Variants in NMNAT2 observed in about 807,000 individuals in gnomAD.
NMNAT2 encodes nicotinamide/nicotinic acid mononucleotide adenylyltransferase 2.
NMNAT2 carries 11 observed loss-of-function variants against 41.6 expected under a neutral mutation model. The observed-to-expected ratio is 0.26, with a 90% CI of 0.17 to 0.44. The LOEUF (loss-of-function observed/expected upper bound fraction) is 0.44. NMNAT2 is among the 20% of genes least tolerant of loss of function. The probability of loss-of-function intolerance (pLI) is 1.00; values close to 1 mark genes in which losing one functional copy is unlikely to be tolerated. For missense variants in NMNAT2, 288 were observed against 407.7 expected (o/e 0.71, Z 2.53); for synonymous variants, 148 against 151.2 (o/e 0.98, Z 0.16).
intron 1 of NMNAT2, among the ~76,000 whole-genome samples, chr1:183,397,241 G>T (rs1476977787): frequency 1.3e-5 from 2 of 152,172 alleles, no homozygotes; most frequent in African/African-American, 4.8e-5. Flanking sequence ...CAGGGTCGAG[G>T]TTCTGCTGGT....
At chr1:183,357,909 A>G (rs1179970950) in intron 1 of NMNAT2, among the ~76,000 whole-genome samples, 2 of 152,180 alleles carry the variant, frequency 1.3e-5, no homozygotes, top group Non-Finnish European at 2.9e-5. Flanking sequence ...ATATATTCCC[A>G]AAGGAATATA....
At chr1:183,392,818 A>T (rs549286209) in intron 1 of NMNAT2, among the ~76,000 whole-genome samples, 1 of 152,210 alleles carries the variant, frequency 6.6e-6, no homozygotes, top group African/African-American at 2.4e-5. Context: ...AGTCACCTCA[A>T]TGTGATTCCC....
At chr1:183,388,300 AG>A (rs1648321031) in intron 1 of NMNAT2, among the ~76,000 whole-genome samples, 1 of 152,200 alleles carries the variant, frequency 6.6e-6, no homozygotes, top group South Asian at 2.1e-4. Flanking sequence ...GGGGAAAAAA[AG>A]GTGAAACCTT....
Position 183,249,930 on chromosome 1 carries a change from C to G in NMNAT2, c.*2711G>C, listed in dbSNP as rs1660331109. 1 of 152,076 alleles carries G rather than the reference C, an allele frequency of 6.6e-6. No homozygotes were observed. The highest frequency in any genetic ancestry group is 1.5e-5 in the Non-Finnish European group (1 of 68,054). 9.4% of individuals were successfully genotyped at this position (152,076 alleles called of 1,614,324 possible). A position where few individuals can be genotyped will look rare whatever the true frequency, so the allele number is the denominator to read the frequency against. ...TCTTAATTCATCTCACTTTCCCTCCCCACTCCCACATGCTTTCGGACTGCA... is the reference window on the plus strand; with the variant it reads ...TCTTAATTCATCTCACTTTCCCTCCGCACTCCCACATGCTTTCGGACTGCA... On this transcript the variant is annotated 3_prime_UTR_variant, in exon 11 of 11. Transcript: ENST00000287713.
intron 1 of NMNAT2, among the ~76,000 whole-genome samples, chr1:183,298,785 C>A (rs12096687): frequency 0.12 from 18,840 of 152,112 alleles, 1,237 homozygotes; most frequent in African/African-American, 0.15. Flanking sequence ...ACAACAACAA[C>A]AAGAGACATA....
Position 183,286,725 on chromosome 1 carries a change from G to C in NMNAT2, c.385C>G (p.Pro129Ala), listed in dbSNP as rs1452466792. Residue 129 changes from proline (P) to alanine (A), a missense_variant, in exon 5 of 11, where the codon CCA becomes GCA. Around this residue, in one of 3 missense-constraint regions of NMNAT2, gnomAD observed 181 missense variants for 213.7 expected, o/e 0.85. Transcript: ENST00000287713. Reference sequence around the variant, plus strand: ...ATGGGCTGGGGGGTCTCGTTTTGTGGCTGTCCGATCACAGGTGTCATGGAA... The same window carrying C: ...ATGGGCTGGGGGGTCTCGTTTTGTGCCTGTCCGATCACAGGTGTCATGGAA... Reference protein sequence around the residue: ...TPSMTPVIGQPQNETPQPIYQ... With the variant: ...TPSMTPVIGQAQNETPQPIYQ... The C allele has an allele frequency of 2.5e-6, 4 of 1,612,242 alleles. No homozygotes were observed. In the African/African-American group the frequency reaches 5.3e-5, roughly 22 times the overall value.
chr1:183,322,674 T>C (rs1387675252), intron 1 of NMNAT2, among the ~76,000 whole-genome samples: 1 of 152,152 alleles, frequency 6.6e-6, no homozygotes, highest in Non-Finnish European at 1.5e-5. Context: ...CAATAAGCGA[T>C]CTGGAGCCTA....
At chr1:183,384,903 G>A (rs180950022) in intron 1 of NMNAT2, among the ~76,000 whole-genome samples, 58 of 152,176 alleles carry the variant, frequency 3.8e-4, no homozygotes, top group Admixed American at 2.3e-3. Flanking sequence ...TACCAAATAT[G>A]GAATAGGATT....
At chr1:183,313,531 G>GT (rs1662175044) in intron 1 of NMNAT2, among the ~76,000 whole-genome samples, 1 of 150,796 alleles carries the variant, frequency 6.6e-6, no homozygotes, top group South Asian at 2.1e-4. Flanking sequence ...CCAGGCTGGA[G>GT]TGCAGTGGTG....
chr1:183,410,353 A>G (rs1185626677), intron 1 of NMNAT2, among the ~76,000 whole-genome samples: 1 of 151,872 alleles, frequency 6.6e-6, no homozygotes, highest in Non-Finnish European at 1.5e-5. Flanking sequence ...AAATAAATAA[A>G]TAAAATCATG....
At chr1:183,299,196 A>AC (rs754486926) in intron 1 of NMNAT2, among the ~76,000 whole-genome samples, 9 of 151,820 alleles carry the variant, frequency 5.9e-5, no homozygotes, top group Non-Finnish European at 1.0e-4. Context: ...ACCTGGTGAA[A>AC]CCCCGTCTAT....
At chr1:183,353,867 G>A (rs897600391) in intron 1 of NMNAT2, among the ~76,000 whole-genome samples, 6 of 151,878 alleles carry the variant, frequency 4.0e-5, no homozygotes, top group Non-Finnish European at 8.8e-5. Flanking sequence ...TTGCTTGAGT[G>A]AGAGGCCCCA....
intron 1 of NMNAT2, among the ~76,000 whole-genome samples, chr1:183,404,312 A>G (rs1043344160): frequency 6.6e-6 from 1 of 151,388 alleles, no homozygotes; most frequent in African/African-American, 2.4e-5. Context: ...CTGGCCTTGA[A>G]CTCCTGACCT....
intron 1 of NMNAT2, among the ~76,000 whole-genome samples, chr1:183,401,887 G>C (rs1020057911): frequency 6.7e-6 from 1 of 149,910 alleles, no homozygotes; most frequent in African/African-American, 2.5e-5. Context: ...GACACAGGAT[G>C]GGGAACATCA....
At chr1:183,263,130 A>G (rs1660706023) in intron 8 of NMNAT2, among the ~76,000 whole-genome samples, 1 of 152,136 alleles carries the variant, frequency 6.6e-6, no homozygotes, top group Non-Finnish European at 1.5e-5. Context: ...CTGGACCTAA[A>G]CTTGCAGCTG....
Position 183,252,597 on chromosome 1 carries a change from A to T in NMNAT2, c.*44T>A. 1.5e-6 allele frequency: 2 copies of T among 1,317,988 alleles called. No individual in the cohort carries two copies. The highest frequency in any genetic ancestry group is 2.2e-6 in the Non-Finnish European group (2 of 909,356). The allele number at this position is 1,317,988 out of a possible 1,614,324, so 81.6% of individuals were successfully genotyped here. On this transcript the variant is annotated 3_prime_UTR_variant, in exon 11 of 11. Transcript: ENST00000287713. ...GAGGCAGGAGAGAAACAGGGGGCTG[A>T]CAAAGATGGAGGGGCCATTGTGTTG...
At chr1:183,407,167 C>T (rs1415027795) in intron 1 of NMNAT2, among the ~76,000 whole-genome samples, 1 of 152,178 alleles carries the variant, frequency 6.6e-6, no homozygotes, top group Non-Finnish European at 1.5e-5. Flanking sequence ...ATAATTCCTA[C>T]ATGTCCCATG....
chr1:183,399,148 A>T (rs1443213794), intron 1 of NMNAT2, among the ~76,000 whole-genome samples: 1 of 152,174 alleles, frequency 6.6e-6, no homozygotes, highest in African/African-American at 2.4e-5. Flanking sequence ...AGATCAACAA[A>T]ATTGATAGAC....
At chr1:183,292,577 A>T (rs887795477) in intron 3 of NMNAT2, among the ~76,000 whole-genome samples, 8 of 152,252 alleles carry the variant, frequency 5.3e-5, no homozygotes, top group African/African-American at 1.9e-4. Context: ...ATTCAAGCAC[A>T]TTCTTTACAT....
Sources: gnomAD v4.1 joint callset for allele counts (sites outside exome capture counted in the v4.1 genomes callset) on GRCh38, gnomAD v4.1.1 for gene constraint, gnomAD v4.1.1 regional missense constraint, MANE v1.5 for transcripts, NCBI Gene and HGNC (gene_info 2026-07-23, HGNC 2026-07-21) for gene names.